The following LINGO1 variants were observed in gnomAD, a reference collection of about 807,000 sequenced individuals.
LINGO1 encodes leucine rich repeat and Ig domain containing 1, also known as leucine-rich repeat and immunoglobulin-like domain-containing nogo receptor-interacting protein 1.
A neutral mutation model predicts 37.3 loss-of-function variants in LINGO1; 11 were observed. The observed-to-expected ratio is 0.29, with a 90% CI of 0.19 to 0.49. The LOEUF (loss-of-function observed/expected upper bound fraction) is 0.49, where lower values mean the gene tolerates loss of function less well. LINGO1 is among the 20% of genes least tolerant of loss of function. The probability of loss-of-function intolerance (pLI) is 0.99; values close to 1 mark genes in which losing one functional copy is unlikely to be tolerated. For missense variants in LINGO1, 585 were observed against 878.2 expected, an observed-to-expected ratio of 0.67 and a Z score of 4.22; for synonymous variants, 387 against 403.0, an observed-to-expected ratio of 0.96 and a Z score of 0.48.
In LINGO1 at chr15:77,613,829, G is replaced by T; in HGVS notation, c.*215C>A. Reference sequence around the variant, plus strand: ...TCCAGTCTGTCAATGCCCCTGTGTAGGTGGGGTCCCCAGGTCTGGGCTTCT... The same window carrying T: ...TCCAGTCTGTCAATGCCCCTGTGTATGTGGGGTCCCCAGGTCTGGGCTTCT... On this transcript the variant is annotated 3_prime_UTR_variant, in exon 2 of 2. Transcript: ENST00000355300. 1 of 586,392 alleles carries T rather than the reference G, an allele frequency of 1.7e-6. No homozygotes were observed. Among genetic ancestry groups the T allele is most frequent in the Non-Finnish European group, 3.0e-6 (1 of 330,136 alleles). 36.3% of individuals were successfully genotyped at this position (586,392 alleles called of 1,614,324 possible).
chr15:77,754,445 T>A (rs1189534106), intron 1 of LINGO1, among the ~76,000 whole-genome samples: 1 of 152,190 alleles, frequency 6.6e-6, no homozygotes, highest in Non-Finnish European at 1.5e-5. Context: ...ACTCCATAAT[T>A]ATGGATAATA....
rs139106236 is a variant in LINGO1, at chr15:77,671,968, C to G, written c.-13+5121G>C. On this transcript the variant is annotated intron_variant, in intron 3 of 3. Coordinates refer to the LINGO1 transcript ENST00000559893. ...GGCTCATGGGCGGCTGATTTCCTGA[C>G]CTTCCTAAGACCAAACACATGATGA... 1.6e-4 allele frequency among the ~76,000 whole-genome samples: 25 copies of G among 151,990 alleles called. No homozygotes were observed. In the East Asian group the frequency reaches 3.9e-3, roughly 24 times the overall value.
intron 2 of LINGO1, among the ~76,000 whole-genome samples, chr15:77,681,588 C>A (rs1375988181): frequency 6.6e-6 from 1 of 152,200 alleles, no homozygotes; most frequent in East Asian, 1.9e-4. Context: ...CTGAATGCAA[C>A]ATGAATCGTT....
At chr15:77,690,104 T>C (rs2075577608) in intron 2 of LINGO1, among the ~76,000 whole-genome samples, 1 of 152,154 alleles carries the variant, frequency 6.6e-6, no homozygotes, top group Admixed American at 6.5e-5. Flanking sequence ...CTTCCCTAGT[T>C]GGGGAGGGGT....
intron 2 of LINGO1, among the ~76,000 whole-genome samples, chr15:77,686,826 C>T (rs2075519281): frequency 2.0e-5 from 3 of 152,202 alleles, no homozygotes; most frequent in Non-Finnish European, 2.9e-5. Flanking sequence ...CCCTGGGCCT[C>T]CCCCACCTCA....
chr15:77,697,276 G>A (rs1002392878), upstream of LINGO1, among the ~76,000 whole-genome samples: 2 of 152,214 alleles, frequency 1.3e-5, no homozygotes, highest in Non-Finnish European at 2.9e-5. Context: ...AGGGCACAAG[G>A]TGACAAGGTT....
rs568328264 is a variant in LINGO1 at position 77,658,336 on chromosome 15, A to C, written c.-13+18753T>G. On this transcript the variant is annotated intron_variant, in intron 3 of 3. Transcript: ENST00000559893. ...GATGGGAAACTGAGGCCCAGAGAGG[A>C]GAGGAGAGGCCAGGTCCACAGTGAA... Among the ~76,000 whole-genome samples, 7 of 152,356 alleles carry C rather than the reference A, an allele frequency of 4.6e-5. No homozygotes were observed. In the South Asian group the frequency reaches 1.4e-3, roughly 32 times the overall value.
intron 3 of LINGO1, among the ~76,000 whole-genome samples, chr15:77,640,512 G>A (rs929462011): frequency 1.3e-5 from 2 of 152,194 alleles, no homozygotes; most frequent in African/African-American, 4.8e-5. Flanking sequence ...AGTAGGGACT[G>A]TTATTATCCT....
chr15:77,767,475 A>T (rs911017351), intron 1 of LINGO1, among the ~76,000 whole-genome samples: 9 of 152,196 alleles, frequency 5.9e-5, no homozygotes, highest in Non-Finnish European at 1.3e-4. Flanking sequence ...ATGGGAGTGT[A>T]AACCAAGAGG....
intron 1 of LINGO1, among the ~76,000 whole-genome samples, chr15:77,692,574 C>A (rs185834328): frequency 6.6e-6 from 1 of 152,218 alleles, no homozygotes; most frequent in Non-Finnish European, 1.5e-5. Flanking sequence ...GTTGCGGATG[C>A]ATCCGAGAGA....
At chr15:77,707,497 A>G (rs1343455489) in intron 2 of LINGO1, 1 of 152,258 alleles carries the variant, frequency 6.6e-6, no homozygotes, top group Non-Finnish European at 1.5e-5. Flanking sequence ...CAAGAGATGG[A>G]GCTTAAAATC....
chr15:77,620,193 G>A (rs1426007960), intron 1 of LINGO1, among the ~76,000 whole-genome samples: 1 of 152,178 alleles, frequency 6.6e-6, no homozygotes, highest in Non-Finnish European at 1.5e-5. Context: ...GTTTTATTTT[G>A]GATCCTTGCC....
upstream of LINGO1, among the ~76,000 whole-genome samples, chr15:77,699,642 C>CA: frequency 8.6e-6 from 1 of 116,024 alleles, no homozygotes; most frequent in East Asian, 2.8e-4. Context: ...CACATACTAA[C>CA]CATCATCTGC....
intron 2 of LINGO1, among the ~76,000 whole-genome samples, chr15:77,792,111 T>C (rs1312965523): frequency 6.6e-6 from 1 of 152,150 alleles, no homozygotes; most frequent in Non-Finnish European, 1.5e-5. Context: ...CCCCTCATGA[T>C]GCCGGCACCT....
At chr15:77,705,731 A>G (rs2141283431) in intron 2 of LINGO1, among the ~76,000 whole-genome samples, 1 of 152,332 alleles carries the variant, frequency 6.6e-6, no homozygotes, top group Middle Eastern at 3.4e-3. Flanking sequence ...CTCAGGCACA[A>G]TGGTGCCAAG....
At chr15:77,776,271 T>C (rs2076637452) in intron 1 of LINGO1, among the ~76,000 whole-genome samples, 1 of 152,070 alleles carries the variant, frequency 6.6e-6, no homozygotes, top group African/African-American at 2.4e-5. Context: ...TGCACTGCCA[T>C]AGCTGTTTGG....
chr15:77,751,969 C>T (rs1042207278), intron 1 of LINGO1, among the ~76,000 whole-genome samples: 2 of 152,236 alleles, frequency 1.3e-5, no homozygotes, highest in African/African-American at 4.8e-5. Context: ...CGCCCTCTCA[C>T]ATGTGACCAT....
chr15:77,716,283 T>TTC (rs2075983914), intron 2 of LINGO1, among the ~76,000 whole-genome samples: 5 of 119,380 alleles, frequency 4.2e-5, no homozygotes, highest in African/African-American at 1.6e-4. Flanking sequence ...TCTTCTTCTT[T>TTC]TTTTTTTTTT....
chr15:77,752,005 C>T (rs1391258783), intron 1 of LINGO1, among the ~76,000 whole-genome samples: 3 of 152,216 alleles, frequency 2.0e-5, no homozygotes, highest in African/African-American at 4.8e-5. Flanking sequence ...GAAGGTGACT[C>T]GAAACCCAGA....
Sources: allele counts gnomAD v4.1 joint callset (sites outside exome capture counted in the v4.1 genomes callset), GRCh38; gene constraint gnomAD v4.1.1; transcripts MANE v1.5; gene names NCBI Gene and HGNC (gene_info 2026-07-23, HGNC 2026-07-21).